SCGB1A1: variants seen among roughly 807,000 people sequenced by gnomAD.
The protein encoded by SCGB1A1 is secretoglobin family 1A member 1.
SCGB1A1 carries 8 observed loss-of-function variants against 7.5 expected under a neutral mutation model. The ratio of observed to expected loss-of-function variants is 1.07; its 90% confidence interval spans 0.63 to 1.92. SCGB1A1 has a LOEUF of 1.92. Among genes scored for constraint, SCGB1A1 ranks in the 30% most tolerant of loss-of-function variants. The probability of loss-of-function intolerance (pLI) is 0.00; values close to 1 mark genes in which losing one functional copy is unlikely to be tolerated. For missense variants in SCGB1A1, 121 were observed against 112.7 expected (o/e 1.07, Z -0.33); for synonymous variants, 44 against 40.8 (o/e 1.08, Z -0.30).
At chr11:62,420,416 C>T (rs1035291836) in intron 1 of SCGB1A1, among the ~76,000 whole-genome samples, 4 of 149,864 alleles carry the variant, frequency 2.7e-5, no homozygotes, top group Admixed American at 6.6e-5. Context: ...CGGGTTCAAG[C>T]GATTCTCCTG....
intron 1 of SCGB1A1, 119 bp downstream of exon 1, chr11:62,419,269 G>A: frequency 1.3e-6 from 1 of 797,410 alleles, no homozygotes; most frequent in East Asian, 3.3e-5. Flanking sequence ...GGGAGGACCT[G>A]GGCATGCTGA....
intron 1 of SCGB1A1, chr11:62,421,754 G>T (rs1023512829): frequency 6.6e-6 from 1 of 152,042 alleles, no homozygotes; most frequent in Admixed American, 6.6e-5. Context: ...CTCGTGATCT[G>T]CCTGCCTCGG....
chr11:62,423,149 TCCACGCCCA>T lies in SCGB1A1; in HGVS notation c.*62_*70del. 6.5e-7 allele frequency: 1 copy of T among 1,548,042 alleles called. No individual in the cohort carries two copies. Among genetic ancestry groups the T allele is most frequent in the South Asian group, 1.1e-5 (1 of 89,756 alleles). The stretch of plus-strand genomic sequence containing the variant: ...GCCTCTGCCGCTGCCATGCTTTGAG[TCCACGCCCA>T]CCAGCCTTGCTCTCTTCAATAAACC... On this transcript the variant is annotated 3_prime_UTR_variant, in exon 3 of 3. Coordinates refer to ENST00000278282, the MANE Select transcript of SCGB1A1 (RefSeq NM_003357.5).
At chr11:62,421,795 GC>G (rs1937799996) in intron 1 of SCGB1A1, 1 of 152,614 alleles carries the variant, frequency 6.6e-6, no homozygotes, top group Admixed American at 6.5e-5. Flanking sequence ...ACAGGTGTGA[GC>G]CACCGTGCCT....
At chr11:62,420,594 G>A (rs1214832147) in intron 1 of SCGB1A1, among the ~76,000 whole-genome samples, 1 of 148,430 alleles carries the variant, frequency 6.7e-6, no homozygotes, top group Non-Finnish European at 1.5e-5. Flanking sequence ...TTAGGCGTGA[G>A]CCACCATGCC....
chr11:62,422,165 C>A, intron 1 of SCGB1A1, 56 bp from the exon 2 acceptor site: 1 of 1,507,320 alleles, frequency 6.6e-7, no homozygotes, highest in Non-Finnish European at 9.0e-7. Flanking sequence ...AGCCAGAGGG[C>A]TAGCCAGCTT....
intron 1 of SCGB1A1, 98 bp downstream of exon 1, chr11:62,419,248 C>A: frequency 1.0e-6 from 1 of 984,324 alleles, no homozygotes; most frequent in South Asian, 4.0e-5. Context: ...CATTCCTGCT[C>A]TGGAGCTGCT....
rs1336883253 is a variant in SCGB1A1, at chr11:62,422,314, G to T, written c.149G>T (p.Ser50Ile). 26 of 1,614,138 alleles carry T rather than the reference G, an allele frequency of 1.6e-5. No individual in the cohort carries two copies. Among genetic ancestry groups the T allele is most frequent in the Non-Finnish European group, 2.1e-5 (25 of 1,179,994 alleles). ...TATGAGGCTGCCATGGAACTTTTCA[G>T]CCCTGATCAAGACATGAGGGAGGCA... is the stretch of plus-strand genomic sequence containing the variant. ...SSYEAAMELF[S>I]PDQDMREAGA... The change falls in exon 2 of 3, where the codon AGC (serine) becomes ATC (isoleucine). Residue 50 changes from serine (S) to isoleucine (I), a missense_variant. By Grantham distance (142) the Ser-to-Ile change is moderately radical. Transcript: ENST00000278282.
At position 62,422,342 on chromosome 11, in the gene SCGB1A1, G is replaced by A; in HGVS notation, c.177G>A (p.Gly59=). The change falls in exon 2 of 3, where the codon GGG becomes GGA. Residue 59 remains glycine (G), a synonymous_variant. Transcript: ENST00000278282. ...CTGATCAAGACATGAGGGAGGCAGG[G>A]GCTCAGCTGAAGAAGCTGGTGGACA... ...FSPDQDMREA[G]AQLKKLVDTL... is the part of the protein sequence containing the mutation. 1 of 1,614,068 alleles carries A rather than the reference G, an allele frequency of 6.2e-7. No homozygotes were observed. Among genetic ancestry groups the A allele is most frequent in the Non-Finnish European group, 8.5e-7 (1 of 1,179,986 alleles).
At chr11:62,419,227 A>G in intron 1 of SCGB1A1, 77 bp downstream of exon 1, 2 of 1,178,192 alleles carry the variant, frequency 1.7e-6, no homozygotes, top group Non-Finnish European at 2.2e-6. Flanking sequence ...CAGAAGAAGG[A>G]GTGAGCTGCC....
chr11:62,419,178 T>C (rs377705362), intron 1 of SCGB1A1, 28 bp downstream of exon 1: 8 of 1,452,546 alleles, frequency 5.5e-6, no homozygotes, highest in Non-Finnish European at 7.3e-6. Flanking sequence ...CTTCCCTCCC[T>C]CCTGGACTTA....
At chr11:62,423,003 T>G in intron 2 of SCGB1A1, 56 bp from the exon 3 acceptor site, 6 of 1,518,264 alleles carry the variant, frequency 4.0e-6, no homozygotes, top group Non-Finnish European at 5.5e-6. Flanking sequence ...TGCCTAACTA[T>G]GCAATTCATT....
At chr11:62,419,820 A>G (rs890284291) in intron 1 of SCGB1A1, among the ~76,000 whole-genome samples, 3 of 152,072 alleles carry the variant, frequency 2.0e-5, no homozygotes, top group Non-Finnish European at 4.4e-5. Context: ...AGAGAGGGGG[A>G]GAAAGGAAGG....
rs1937713851 is a variant in SCGB1A1, at chr11:62,419,076, G to C, written c.-20G>C. The stretch of plus-strand genomic sequence containing the variant: ...CAGAGACGGAACCAGAGACGGGCCA[G>C]AGCATCCCCCTCCTCCACCATGAAA... On this transcript the variant is annotated 5_prime_UTR_variant, in exon 1 of 3. Coordinates refer to ENST00000278282, the MANE Select transcript of SCGB1A1 (RefSeq NM_003357.5). The C allele has an allele frequency of 1.3e-6, 2 of 1,582,162 alleles. No homozygotes were observed. Among genetic ancestry groups the C allele is most frequent in the East Asian group, 2.3e-5 (1 of 43,190 alleles).
At chr11:62,421,466 C>CTTTTCTTTTCTTCT (rs1286898877) in intron 1 of SCGB1A1, among the ~76,000 whole-genome samples, 12 of 149,708 alleles carry the variant, frequency 8.0e-5, no homozygotes, top group Admixed American at 1.4e-4. Flanking sequence ...CTTTTCTTTT[C>CTTTTCTTTTCTTCT]TTTTCTTTTC....
Position 62,423,040 on chromosome 11 carries a change from C to T in SCGB1A1, c.244-19C>T, listed in dbSNP as rs376718774. 1 of 1,612,680 alleles carries T rather than the reference C, an allele frequency of 6.2e-7. No homozygotes were observed. The highest frequency in any genetic ancestry group is 2.2e-5 in the East Asian group (1 of 44,874). ...ACTGTTGTATTGGGTTTTTCTGTTT[C>T]TTTGTCTATTTGTTTTAGGAAAAAA... is the stretch of plus-strand genomic sequence containing the variant. On this transcript the variant is annotated intron_variant, in intron 2 of 2. Transcript: ENST00000278282.
At chr11:62,421,193 T>A (rs975844021) in intron 1 of SCGB1A1, among the ~76,000 whole-genome samples, 2 of 152,002 alleles carry the variant, frequency 1.3e-5, no homozygotes, top group Non-Finnish European at 2.9e-5. Context: ...AGGCAGAGAA[T>A]TCAAGGAAAA....
intron 1 of SCGB1A1, among the ~76,000 whole-genome samples, chr11:62,421,438 G>C (rs1293497281): frequency 6.7e-6 from 1 of 150,292 alleles, no homozygotes; most frequent in Non-Finnish European, 1.5e-5. Context: ...TGTTTGGCTG[G>C]TACAATCTCA....
chr11:62,420,034 AC>A (rs1937741274), intron 1 of SCGB1A1, among the ~76,000 whole-genome samples: 1 of 152,202 alleles, frequency 6.6e-6, no homozygotes, highest in Admixed American at 6.5e-5. Context: ...GAGTTAGAAA[AC>A]CCAAACCAAG....
Sources: gnomAD v4.1 joint callset for allele counts (sites outside exome capture counted in the v4.1 genomes callset) on GRCh38, gnomAD v4.1.1 for gene constraint, MANE v1.5 for transcripts, NCBI Gene and HGNC (gene_info 2026-07-23, HGNC 2026-07-21) for gene names.